NTM: variants seen among roughly 807,000 people sequenced by gnomAD.
NTM encodes neurotrimin.
NTM carries 13 observed loss-of-function variants against 42.1 expected under a neutral mutation model. That is an observed-to-expected ratio of 0.31 (90% CI 0.20 to 0.49). The LOEUF is 0.49. Among genes scored for constraint, NTM ranks in the 20% least tolerant of loss-of-function variants. The pLI is 0.99. For synonymous variants in NTM, 187 were observed against 179.2 expected (o/e 1.04, Z -0.35); for missense variants, 373 against 452.8 (o/e 0.82, Z 1.60).
rs557522093 is a variant in NTM at position 131,763,709 on chromosome 11, C to CTTTTT, written c.83-147833_83-147829dup. On this transcript the variant is annotated intron_variant, in intron 1 of 8. Transcript: ENST00000683400. ...CTTATCCACAGGCCCATCTCTCTCT[C>CTTTTT]TTTTTTTTTTTTTTTTTTTTTTTTT... Among the ~76,000 whole-genome samples the CTTTTT allele has an allele frequency of 2.7e-3, 192 of 71,364 alleles. 24 individuals are homozygous for CTTTTT. The highest frequency in any genetic ancestry group is 0.015 in the East Asian group (31 of 2,084). The allele number at this position is 71,364 out of a possible 152,430, so 46.8% of individuals were successfully genotyped here.
intron 1 of NTM, chr11:131,771,578 C>G (rs375974117): frequency 1.3e-5 from 2 of 152,106 alleles, no homozygotes; most frequent in African/African-American, 2.4e-5. Flanking sequence ...TTTTCAAGAA[C>G]GGTGAAGCTG....
intron 4 of NTM, among the ~76,000 whole-genome samples, chr11:132,301,428 T>TCTTTC (rs2094851391): frequency 6.6e-6 from 1 of 152,204 alleles, no homozygotes; most frequent in Non-Finnish European, 1.5e-5. Flanking sequence ...GAAAACAGCT[T>TCTTTC]CTTTCCTTTC....
chr11:132,153,969 C>A (rs572648079), intron 3 of NTM, among the ~76,000 whole-genome samples: 2 of 152,242 alleles, frequency 1.3e-5, no homozygotes, highest in East Asian at 1.9e-4. Flanking sequence ...CTTCAATGGG[C>A]AGTAGAGTTT....
chr11:131,713,768 T>C (rs2077404063), intron 1 of NTM, among the ~76,000 whole-genome samples: 1 of 152,162 alleles, frequency 6.6e-6, no homozygotes, highest in Non-Finnish European at 1.5e-5. Context: ...GAAGAAAGAC[T>C]TAGACTGAGG....
At chr11:132,222,482 C>T (rs1398352667) in intron 4 of NTM, among the ~76,000 whole-genome samples, 1 of 152,184 alleles carries the variant, frequency 6.6e-6, no homozygotes, top group Non-Finnish European at 1.5e-5. Context: ...AGTTTCCCCA[C>T]CTGTCTTTGT....
At chr11:132,297,324 A>G (rs1376594185) in intron 4 of NTM, among the ~76,000 whole-genome samples, 1 of 152,144 alleles carries the variant, frequency 6.6e-6, no homozygotes, top group Non-Finnish European at 1.5e-5. Context: ...GCTTGATACC[A>G]TCACTAATAA....
At chr11:131,625,284 G>A (rs2062985834) in intron 1 of NTM, among the ~76,000 whole-genome samples, 1 of 152,148 alleles carries the variant, frequency 6.6e-6, no homozygotes, top group African/African-American at 2.4e-5. Flanking sequence ...ACCCTGATAA[G>A]GTCCCCCCAT....
chr11:132,096,766 G>A (rs962400989), intron 2 of NTM, among the ~76,000 whole-genome samples: 2 of 152,020 alleles, frequency 1.3e-5, no homozygotes, highest in East Asian at 1.9e-4. Flanking sequence ...GAGGGGAGTC[G>A]ACATTTACAA....
intron 1 of NTM, among the ~76,000 whole-genome samples, chr11:131,735,967 G>A (rs1005676920): frequency 4.0e-5 from 6 of 151,790 alleles, no homozygotes; most frequent in African/African-American, 1.2e-4. Flanking sequence ...CGAGTAGCTG[G>A]GATTAGAGGT....
At chr11:131,488,176 C>T (rs932074627) in intron 1 of NTM, among the ~76,000 whole-genome samples, 3 of 152,168 alleles carry the variant, frequency 2.0e-5, no homozygotes, top group African/African-American at 7.2e-5. Context: ...ATACTCCACC[C>T]CAAAACTTGG....
chr11:132,252,176 C>T (rs2092016636), intron 4 of NTM, among the ~76,000 whole-genome samples: 1 of 114,294 alleles, frequency 8.7e-6, no homozygotes, highest in African/African-American at 3.6e-5. Context: ...TTCTTTTCCT[C>T]ATCTTTATCT....
chr11:131,418,609 C>T (rs1947185072), intron 1 of NTM, among the ~76,000 whole-genome samples: 1 of 152,156 alleles, frequency 6.6e-6, no homozygotes, highest in Admixed American at 6.5e-5. Context: ...TTAAATTGGC[C>T]TCGAAAGCCC....
intron 3 of NTM, among the ~76,000 whole-genome samples, chr11:132,155,649 C>A (rs2073028305): frequency 6.6e-6 from 1 of 152,220 alleles, no homozygotes; most frequent in African/African-American, 2.4e-5. Context: ...TTATGGTGTT[C>A]TTATCGTCCT....
chr11:132,180,899 A>G (rs1165109516), intron 3 of NTM, among the ~76,000 whole-genome samples: 3 of 151,550 alleles, frequency 2.0e-5, no homozygotes, highest in African/African-American at 4.8e-5. Context: ...AAGCTTCAGG[A>G]AAAAAAAATG....
At chr11:131,975,368 T>C (rs545235988) in intron 2 of NTM, among the ~76,000 whole-genome samples, 2 of 152,174 alleles carry the variant, frequency 1.3e-5, no homozygotes, top group Non-Finnish European at 2.9e-5. Flanking sequence ...TTAGTAGAGA[T>C]AGGGTTTCAC....
intron 1 of NTM, among the ~76,000 whole-genome samples, chr11:131,821,067 G>A (rs920147272): frequency 6.6e-6 from 1 of 151,882 alleles, no homozygotes; most frequent in African/African-American, 2.4e-5. Context: ...GAAATGTAGG[G>A]ATTGGTAATC....
intron 2 of NTM, among the ~76,000 whole-genome samples, chr11:131,989,482 G>A (rs939373845): frequency 2.0e-5 from 3 of 152,052 alleles, no homozygotes; most frequent in African/African-American, 7.2e-5. Context: ...TTAACTCGCG[G>A]GATCAGAAAA....
chr11:131,875,272 T>C (rs1303246134), intron 1 of NTM, among the ~76,000 whole-genome samples: 1 of 152,232 alleles, frequency 6.6e-6, no homozygotes, highest in Non-Finnish European at 1.5e-5. Context: ...AAAGTTTCCC[T>C]ACACTTTAAA....
chr11:131,462,198 A>T (rs979220182), intron 1 of NTM, among the ~76,000 whole-genome samples: 1 of 152,224 alleles, frequency 6.6e-6, no homozygotes, highest in Non-Finnish European at 1.5e-5. Flanking sequence ...AACATTCTGG[A>T]AAAGGCAAAA....
Sources: allele counts gnomAD v4.1 joint callset (sites outside exome capture counted in the v4.1 genomes callset), GRCh38; gene constraint gnomAD v4.1.1; transcripts MANE v1.5; gene names NCBI Gene and HGNC (gene_info 2026-07-23, HGNC 2026-07-21).